USP7: variants seen among roughly 807,000 people sequenced by gnomAD.
USP7 encodes ubiquitin specific peptidase 7.
Under a neutral mutation model 162.9 loss-of-function variants are expected in USP7, and 9 were observed. That is an observed-to-expected ratio of 0.06 (90% CI 0.03 to 0.10). The LOEUF is 0.10. Among genes scored for constraint, USP7 ranks in the 10% least tolerant of loss-of-function variants. The pLI, the probability that USP7 is intolerant of heterozygous loss-of-function variation, is 1.00. For missense variants in USP7, 715 were observed against 1,373.7 expected, an observed-to-expected ratio of 0.52 and a Z score of 7.58; for synonymous variants, 562 against 475.9, an observed-to-expected ratio of 1.18 and a Z score of -2.35.
intron 10 of USP7, among the ~76,000 whole-genome samples, chr16:8,911,864 G>A (rs761541410): frequency 7.2e-5 from 11 of 152,152 alleles, no homozygotes; most frequent in Non-Finnish European, 1.5e-4. Context: ...ATGAGGATTG[G>A]GGGGAACAAC....
At chr16:8,934,176 G>C (rs577329828) in intron 1 of USP7, among the ~76,000 whole-genome samples, 5 of 152,282 alleles carry the variant, frequency 3.3e-5, no homozygotes, top group South Asian at 4.1e-4. Context: ...GCAAAAATGA[G>C]GGCTCATTTT....
rs1171976302 is a variant in USP7, at chr16:8,960,362, A to T, written c.79+2845T>A. 2.6e-5 allele frequency among the ~76,000 whole-genome samples: 4 copies of T among 152,210 alleles called. No individual in the cohort carries two copies. The East Asian group carries it at 7.7e-4, about 29-fold the overall frequency. ...AACTGCTCAGGGCATTTCAAAAAAT[A>T]ACTATTCCAGAGCACTGCTGTTTTC... On this transcript the variant is annotated intron_variant, in intron 1 of 30. Coordinates refer to ENST00000344836, the MANE Select transcript of USP7 (RefSeq NM_003470.3).
intron 20 of USP7, 116 bp downstream of exon 20, chr16:8,900,874 G>A (rs2061763175): frequency 9.8e-7 from 1 of 1,019,894 alleles, no homozygotes; most frequent in South Asian, 1.7e-5. Context: ...ATCATCTGAG[G>A]CCCTGAGTTA....
intron 2 of USP7, 29 bp from the exon 3 acceptor site, chr16:8,923,442 G>C (rs1897813142): frequency 1.2e-6 from 2 of 1,611,576 alleles, no homozygotes; most frequent in Non-Finnish European, 1.7e-6. Flanking sequence ...ATCAGTCACA[G>C]AGCCTGTGCA....
At chr16:8,962,046 G>T (rs566539267) in intron 1 of USP7, among the ~76,000 whole-genome samples, 2 of 152,150 alleles carry the variant, frequency 1.3e-5, no homozygotes, top group African/African-American at 4.8e-5. Flanking sequence ...TCTATTCAGA[G>T]GTGAACACCA....
At chr16:8,898,794 A>G (rs1173202594) in intron 23 of USP7, 155 bp from the exon 24 acceptor site, 5 of 640,510 alleles carry the variant, frequency 7.8e-6, no homozygotes, top group Non-Finnish European at 1.3e-5. Flanking sequence ...TTTCCCAAGA[A>G]CTAAGTCCCA....
chr16:8,897,726 A>AT (rs61280114), intron 25 of USP7, among the ~76,000 whole-genome samples: 1 of 7,138 alleles, frequency 1.4e-4, no homozygotes. Context: ...AAAAAAAAAA[A>AT]ATATATATAT....
Position 8,899,197 on chromosome 16 carries a change from C to A in USP7, c.2464-9G>T. ...GCAACTGTCTTTGCAACCTAAGACA[C>A]AGAAAGGAAGGTTCACATTTTGGGG... On this transcript the variant is annotated splice_polypyrimidine_tract_variant and intron_variant, in intron 22 of 30. Transcript: ENST00000344836. The A allele has an allele frequency of 6.2e-7, 1 of 1,613,292 alleles. No homozygotes were observed. Among genetic ancestry groups the A allele is most frequent in the Non-Finnish European group, 8.5e-7 (1 of 1,179,792 alleles).
intron 11 of USP7, 48 bp downstream of exon 11, chr16:8,910,697 T>C (rs769106480): frequency 6.5e-7 from 1 of 1,534,918 alleles, no homozygotes; most frequent in East Asian, 2.2e-5. Context: ...GAATTGAAAA[T>C]AAAGAAGAAC....
chr16:8,933,620 AT>A (rs973075564), intron 1 of USP7, among the ~76,000 whole-genome samples: 4 of 151,376 alleles, frequency 2.6e-5, no homozygotes, highest in African/African-American at 7.3e-5. Flanking sequence ...ATGCGCTATC[AT>A]TTTTTTTTCC....
rs1468296288 is a variant in USP7 at position 8,893,697 on chromosome 16, C to G, written c.*301G>C. The stretch of plus-strand genomic sequence containing the variant: ...TAGGGACAGCCCAGAGACCTTGAGC[C>G]AGGGACCCCCGATCCACTAACCTCT... On this transcript the variant is annotated 3_prime_UTR_variant, in exon 31 of 31. Coordinates refer to ENST00000344836, the MANE Select transcript of USP7 (RefSeq NM_003470.3). The G allele has an allele frequency of 2.9e-6, 1 of 339,148 alleles. No individual in the cohort carries two copies. The highest frequency in any genetic ancestry group is 5.7e-6 in the Non-Finnish European group (1 of 175,788). 21.0% of individuals were successfully genotyped at this position (339,148 alleles called of 1,614,324 possible). A position where few individuals can be genotyped will look rare whatever the true frequency, so the allele number is the denominator to read the frequency against.
chr16:8,963,780 G>A lies in USP7; in HGVS notation c.-495C>T, dbSNP rs931823666. Reference sequence around the variant, plus strand: ...GGGAGCGGCGGAGCGGGCGGGCGACGGGCCGGCCGCGTTCCGAGAGCCGCG... The same window carrying A: ...GGGAGCGGCGGAGCGGGCGGGCGACAGGCCGGCCGCGTTCCGAGAGCCGCG... On this transcript the variant is annotated 5_prime_UTR_variant, in exon 1 of 31. Transcript: ENST00000344836. Among the ~76,000 whole-genome samples the A allele has an allele frequency of 1.4e-5, 2 of 145,628 alleles. No homozygotes were observed. Among genetic ancestry groups the A allele is most frequent in the African/African-American group, 4.9e-5 (2 of 40,624 alleles).
chr16:8,926,591 C>G (rs987922566), intron 2 of USP7, among the ~76,000 whole-genome samples: 6 of 152,216 alleles, frequency 3.9e-5, no homozygotes, highest in African/African-American at 1.4e-4. Context: ...TTACATGAGA[C>G]TCAGTGATGG....
chr16:8,962,638 ACTC>A (rs1900059766), intron 1 of USP7: 1 of 262,318 alleles, frequency 3.8e-6, no homozygotes, highest in Non-Finnish European at 8.2e-6. Flanking sequence ...CCGGGTCAGA[ACTC>A]TGGGCCAGTC....
At chr16:8,905,145 T>TCCA (rs1050913583) in intron 14 of USP7, 42 bp downstream of exon 14, 3 of 1,597,358 alleles carry the variant, frequency 1.9e-6, no homozygotes, top group Non-Finnish European at 1.7e-6. Flanking sequence ...AATGTCCAAG[T>TCCA]CCACCACAGT....
At chr16:8,959,870 T>C (rs965651480) in intron 1 of USP7, among the ~76,000 whole-genome samples, 1 of 152,180 alleles carries the variant, frequency 6.6e-6, no homozygotes, top group Non-Finnish European at 1.5e-5. Context: ...ACCCATTAAT[T>C]TGCTCCTAAT....
intron 14 of USP7, among the ~76,000 whole-genome samples, chr16:8,904,967 C>T (rs571552295): frequency 6.6e-6 from 1 of 152,124 alleles, no homozygotes; most frequent in Admixed American, 6.5e-5. Context: ...AAGACTCCGT[C>T]TCAAAAAAAT....
intron 1 of USP7, among the ~76,000 whole-genome samples, chr16:8,947,821 C>G (rs901395694): frequency 6.6e-5 from 10 of 152,222 alleles, no homozygotes; most frequent in Admixed American, 1.3e-4. Flanking sequence ...CATGCTGCCT[C>G]AGCTAGGTGG....
chr16:8,896,037 A>G (rs1009778666), intron 26 of USP7, among the ~76,000 whole-genome samples: 3 of 151,334 alleles, frequency 2.0e-5, no homozygotes, highest in Non-Finnish European at 2.9e-5. Context: ...GGGTTTCACC[A>G]TGTTGGTTAG....
Sources: allele counts gnomAD v4.1 joint callset (sites outside exome capture counted in the v4.1 genomes callset), GRCh38; gene constraint gnomAD v4.1.1; transcripts MANE v1.5; gene names NCBI Gene and HGNC (gene_info 2026-07-23, HGNC 2026-07-21).